ANKRD29: variants seen among roughly 807,000 people sequenced by gnomAD.
ANKRD29 encodes ankyrin repeat domain 29, also known as ankyrin repeat domain-containing protein 29.
ANKRD29 carries 32 observed loss-of-function variants against 38.0 expected under a neutral mutation model. The ratio of observed to expected loss-of-function variants is 0.84; its 90% CI spans 0.64 to 1.13. The LOEUF is 1.13. Ranked by LOEUF, ANKRD29 falls within the 50% of genes most tolerant of loss-of-function variation. The probability of loss-of-function intolerance (pLI) is 0.00; values close to 1 mark genes in which losing one functional copy is unlikely to be tolerated. For missense variants in ANKRD29, 357 were observed against 377.9 expected, an observed-to-expected ratio of 0.94 and a Z score of 0.46; for synonymous variants, 135 against 152.4, an observed-to-expected ratio of 0.89 and a Z score of 0.84.
chr18:23,602,363 A>G (rs1224184872), intron 9 of ANKRD29, among the ~76,000 whole-genome samples: 1 of 152,116 alleles, frequency 6.6e-6, no homozygotes, highest in Admixed American at 6.6e-5. Flanking sequence ...GAAGGCAGAG[A>G]TAGGAAACCT....
At chr18:23,634,014 T>C in intron 5 of ANKRD29, 37 bp downstream of exon 5, 1 of 1,594,490 alleles carries the variant, frequency 6.3e-7, no homozygotes. Context: ...TTGTATGTGA[T>C]GAGAAATGTC....
At chr18:23,621,545 G>A (rs1310119667) in intron 6 of ANKRD29, among the ~76,000 whole-genome samples, 3 of 152,122 alleles carry the variant, frequency 2.0e-5, no homozygotes, top group Admixed American at 6.5e-5. Context: ...TCCTCTTGGT[G>A]GAAATATTCT....
intron 3 of ANKRD29, among the ~76,000 whole-genome samples, chr18:23,640,804 C>T (rs1415545473): frequency 6.6e-6 from 1 of 152,232 alleles, no homozygotes; most frequent in African/African-American, 2.4e-5. Context: ...GCTAATACCA[C>T]ACCTTACCAG....
intron 1 of ANKRD29, among the ~76,000 whole-genome samples, chr18:23,654,477 G>A (rs2060252803): frequency 1.3e-5 from 2 of 151,104 alleles, no homozygotes; most frequent in Admixed American, 6.6e-5. Flanking sequence ...AAAATTAGCT[G>A]GGTGTGACGG....
At chr18:23,649,587 C>T (rs2060185219) in intron 1 of ANKRD29, 2 of 477,678 alleles carry the variant, frequency 4.2e-6, no homozygotes, top group Middle Eastern at 3.2e-4. Context: ...TCTTTCCTCA[C>T]CTCTAAGTGG....
At position 23,599,157 on chromosome 18, in the gene ANKRD29, G is replaced by T. The variant is rs540566231; in HGVS notation, c.*2069C>A. On this transcript the variant is annotated 3_prime_UTR_variant, in exon 10 of 10. Coordinates refer to ENST00000592179, the MANE Select transcript of ANKRD29 (RefSeq NM_173505.4). ...AATTTTGAAAATAACACACCTTTCC[G>T]TACAGTCTTTGGTAGGTGATGATTC... is the stretch of plus-strand genomic sequence containing the variant. The T allele has an allele frequency of 2.0e-5, 3 of 152,236 alleles. No homozygotes were observed. In the East Asian group the frequency reaches 5.8e-4, roughly 29 times the overall value. The allele number at this position is 152,236 out of a possible 1,614,324, so 9.4% of individuals were successfully genotyped here. A position where few individuals can be genotyped will look rare whatever the true frequency, so the allele number is the denominator to read the frequency against.
intron 3 of ANKRD29, among the ~76,000 whole-genome samples, chr18:23,641,069 C>A (rs1364193094): frequency 6.6e-6 from 1 of 151,106 alleles, no homozygotes; most frequent in East Asian, 1.9e-4. Context: ...TAAATGTGGT[C>A]TAGAAAAAAA....
chr18:23,653,679 T>A (rs1420295021), intron 1 of ANKRD29, among the ~76,000 whole-genome samples: 2 of 151,464 alleles, frequency 1.3e-5, no homozygotes, highest in Non-Finnish European at 2.9e-5. Context: ...CAGGCTGGAG[T>A]GCAGTGGCGC....
intron 4 of ANKRD29, 94 bp from the exon 5 acceptor site, chr18:23,634,243 G>T: frequency 6.8e-5 from 45 of 657,402 alleles, no homozygotes; most frequent in Middle Eastern, 3.0e-4. Flanking sequence ...TAGGAAGAGA[G>T]TTTTCCCAAA....
intron 9 of ANKRD29, among the ~76,000 whole-genome samples, chr18:23,610,243 C>T (rs960359888): frequency 5.3e-5 from 8 of 152,092 alleles, no homozygotes; most frequent in Non-Finnish European, 8.8e-5. Context: ...TTTGGGAGGC[C>T]GAGGGGGGCG....
chr18:23,642,196 C>T (rs2060086779), intron 3 of ANKRD29, among the ~76,000 whole-genome samples: 1 of 151,882 alleles, frequency 6.6e-6, no homozygotes, highest in Non-Finnish European at 1.5e-5. Context: ...CTGTTTATAA[C>T]ACAAACAGGG....
At chr18:23,611,335 A>T (rs542472411) in intron 9 of ANKRD29, among the ~76,000 whole-genome samples, 5 of 152,180 alleles carry the variant, frequency 3.3e-5, no homozygotes, top group Non-Finnish European at 7.3e-5. Flanking sequence ...ATACTCCCAT[A>T]GTAACTGCTC....
rs924630810 is a variant in ANKRD29, at chr18:23,619,577, A to C, written c.581T>G (p.Val194Gly). 1.1e-5 allele frequency: 18 copies of C among 1,597,660 alleles called. No individual in the cohort carries two copies. Among genetic ancestry groups the C allele is most frequent in the Non-Finnish European group, 1.5e-5 (18 of 1,179,126 alleles). The change falls in exon 7 of 10, where the codon GTG becomes GGG. Residue 194 changes from valine (V) to glycine (G), a missense_variant. Physicochemically the swap from Val to Gly is moderately radical, Grantham distance 109. Coordinates refer to ENST00000592179, the MANE Select transcript of ANKRD29 (RefSeq NM_173505.4). ...GGCTCCGCGCAGCAGCATCACCCGC[A>C]CCACCTCGCTGTGGCCCATCTGGGA... ...IASQMGHSEVVRVMLLRGADR... is the reference protein window; with the variant it reads ...IASQMGHSEVGRVMLLRGADR...
At chr18:23,656,798 TAGA>T (rs2060289881) in intron 1 of ANKRD29, among the ~76,000 whole-genome samples, 1 of 152,230 alleles carries the variant, frequency 6.6e-6, no homozygotes, top group Non-Finnish European at 1.5e-5. Context: ...GGGAGGTGGA[TAGA>T]AGAATGTTGC....
intron 9 of ANKRD29, 62 bp from the exon 10 acceptor site, chr18:23,601,371 A>G: frequency 2.9e-6 from 4 of 1,399,914 alleles, no homozygotes; most frequent in East Asian, 2.3e-5. Flanking sequence ...TAGGGACTCC[A>G]AAGAGGGGCA....
rs1181010204 is a variant in ANKRD29, at chr18:23,599,931, C to T, written c.*1295G>A. 6.6e-6 allele frequency: 1 copy of T among 152,172 alleles called. No individual in the cohort carries two copies. Among genetic ancestry groups the T allele is most frequent in the Non-Finnish European group, 1.5e-5 (1 of 68,026 alleles). The allele number at this position is 152,172 out of a possible 1,614,324, so 9.4% of individuals were successfully genotyped here. ...TTAAACAAAAATTCTTTTGGGATTA[C>T]AACATTTTCCTCTAAAAGTGTCTTT... On this transcript the variant is annotated 3_prime_UTR_variant, in exon 10 of 10. Coordinates refer to ENST00000592179, the MANE Select transcript of ANKRD29 (RefSeq NM_173505.4).
intron 7 of ANKRD29, among the ~76,000 whole-genome samples, 192 bp from the exon 8 acceptor site, chr18:23,618,019 C>T (rs2059746465): frequency 6.6e-6 from 1 of 152,108 alleles, no homozygotes; most frequent in South Asian, 2.1e-4. Context: ...GAAAGAGTAT[C>T]AGATAAACAG....
At chr18:23,615,885 GTATATATTTATATTATAT>G (rs2059704031) in intron 8 of ANKRD29, among the ~76,000 whole-genome samples, 1 of 146,882 alleles carries the variant, frequency 6.8e-6, no homozygotes, top group Non-Finnish European at 1.5e-5. Flanking sequence ...AGTATATATA[GTATATATTTATATTATAT>G]AGTATATACT....
chr18:23,644,206 T>A (rs191427399), intron 3 of ANKRD29, among the ~76,000 whole-genome samples: 61 of 152,356 alleles, frequency 4.0e-4, no homozygotes, highest in African/African-American at 1.4e-3. Flanking sequence ...AACCATAGAC[T>A]GGCTAGAAAT....
Sources: allele counts gnomAD v4.1 joint callset (sites outside exome capture counted in the v4.1 genomes callset), GRCh38; gene constraint gnomAD v4.1.1; transcripts MANE v1.5; gene names NCBI Gene and HGNC (gene_info 2026-07-23, HGNC 2026-07-21).